The following MGAT4C variants were observed in gnomAD, a reference collection of about 807,000 sequenced individuals.
MGAT4C encodes MGAT4 family member C.
A neutral mutation model predicts 40.1 loss-of-function variants in MGAT4C; 19 were observed. That is an observed-to-expected ratio of 0.47 (90% CI 0.33 to 0.70). The LOEUF (loss-of-function observed/expected upper bound fraction) is 0.70, where lower values mean the gene tolerates loss of function less well. Ranked by LOEUF, MGAT4C falls within the 30% of genes least tolerant of loss-of-function variation. The pLI is 0.02. For missense variants in MGAT4C, 491 were observed against 563.2 expected, an observed-to-expected ratio of 0.87 and a Z score of 1.30; for synonymous variants, 181 against 187.1, an observed-to-expected ratio of 0.97 and a Z score of 0.27.
intron 3 of MGAT4C, among the ~76,000 whole-genome samples, chr12:86,385,866 C>A (rs1311861660): frequency 6.6e-6 from 1 of 152,182 alleles, no homozygotes. Flanking sequence ...GTCTTCTGTG[C>A]TCCCTCTCAA....
chr12:86,294,387 T>G (rs1405163044), intron 4 of MGAT4C, among the ~76,000 whole-genome samples: 1 of 151,932 alleles, frequency 6.6e-6, no homozygotes, highest in Non-Finnish European at 1.5e-5. Flanking sequence ...TCTAAATCCT[T>G]GCTTTTATCA....
chr12:86,180,314 A>G (rs1241573915), intron 1 of MGAT4C, among the ~76,000 whole-genome samples: 1 of 152,218 alleles, frequency 6.6e-6, no homozygotes, highest in African/African-American at 2.4e-5. Flanking sequence ...CCTCATGGAG[A>G]ACCTCTGCTA....
Position 86,035,427 on chromosome 12 carries a change from G to GT in MGAT4C, c.-7+14246dup, listed in dbSNP as rs969891889. 8.7e-5 allele frequency among the ~76,000 whole-genome samples: 13 copies of GT among 149,856 alleles called. 1 individual carries two copies. Among genetic ancestry groups the GT allele is most frequent in the African/African-American group, 2.4e-4 (10 of 41,208 alleles). ...CCTTCACGCACTTTTTGATGGGGTT[G>GT]TTTTTTTCTTGTAAATTTGTTGAAG... On this transcript the variant is annotated intron_variant, in intron 2 of 4. Coordinates refer to ENST00000611864, the MANE Select transcript of MGAT4C (RefSeq NM_001351288.2).
intron 3 of MGAT4C, among the ~76,000 whole-genome samples, chr12:86,349,328 G>C (rs1005491611): frequency 6.6e-6 from 1 of 152,092 alleles, no homozygotes; most frequent in African/African-American, 2.4e-5. Context: ...GTAATTTAAG[G>C]CTGGGTAATA....
At chr12:86,589,837 A>G (rs1308475422) in intron 2 of MGAT4C, among the ~76,000 whole-genome samples, 1 of 152,022 alleles carries the variant, frequency 6.6e-6, no homozygotes, top group Non-Finnish European at 1.5e-5. Flanking sequence ...CATGTTTTAA[A>G]GCAATATTAC....
intron 1 of MGAT4C, among the ~76,000 whole-genome samples, chr12:86,775,664 G>A (rs1213772336): frequency 6.6e-6 from 1 of 151,502 alleles, no homozygotes; most frequent in Non-Finnish European, 1.5e-5. Flanking sequence ...TAAAAAAAAG[G>A]TCTCACAGAA....
intron 1 of MGAT4C, among the ~76,000 whole-genome samples, chr12:86,210,688 GT>G (rs779373931): frequency 1.3e-5 from 2 of 152,154 alleles, no homozygotes; most frequent in Non-Finnish European, 2.9e-5. Flanking sequence ...GCTAATTAAA[GT>G]GCCAAACTTT....
intron 2 of MGAT4C, among the ~76,000 whole-genome samples, chr12:86,556,228 A>G (rs1959603671): frequency 6.6e-6 from 1 of 152,210 alleles, no homozygotes; most frequent in Admixed American, 6.5e-5. Context: ...AATATAAGTA[A>G]TGTATAGTAT....
intron 3 of MGAT4C, among the ~76,000 whole-genome samples, chr12:86,356,414 A>G (rs551855575): frequency 3.3e-5 from 5 of 152,328 alleles, no homozygotes; most frequent in African/African-American, 1.2e-4. Flanking sequence ...TGAGCAATGC[A>G]GAAGATGGGT....
In MGAT4C at chr12:85,957,741, A is replaced by T. The variant is rs112332178; in HGVS notation, c.*21548T>A. 1 of 152,030 alleles carries T rather than the reference A, an allele frequency of 6.6e-6. No homozygotes were observed. Among genetic ancestry groups the T allele is most frequent in the African/African-American group, 2.4e-5 (1 of 41,516 alleles). The allele number at this position is 152,030 out of a possible 1,614,324, so 9.4% of individuals were successfully genotyped here. On this transcript the variant is annotated 3_prime_UTR_variant, in exon 5 of 5. Coordinates refer to ENST00000611864, the MANE Select transcript of MGAT4C (RefSeq NM_001351288.2). Reference sequence around the variant, plus strand: ...TCTAGACAGATCATATGGTAAAAATACAAACTGAACTCCTTCAGCTAAGGG... The same window carrying T: ...TCTAGACAGATCATATGGTAAAAATTCAAACTGAACTCCTTCAGCTAAGGG...
At chr12:86,636,697 A>T (rs1963229879) in intron 2 of MGAT4C, among the ~76,000 whole-genome samples, 1 of 152,044 alleles carries the variant, frequency 6.6e-6, no homozygotes, top group Non-Finnish European at 1.5e-5. Flanking sequence ...TTAACAACTG[A>T]ATAACCTTTA....
In MGAT4C at chr12:85,980,181, A is replaced by G; in HGVS notation, c.545T>C (p.Leu182Pro). The G allele has an allele frequency of 6.2e-7, 1 of 1,613,960 alleles. No homozygotes were observed. The highest frequency in any genetic ancestry group is 2.2e-5 in the East Asian group (1 of 44,864). The change falls in exon 5 of 5, where the codon CTA becomes CCA. Residue 182 changes from leucine (L) to proline (P), a missense_variant. Coordinates refer to ENST00000611864, the MANE Select transcript of MGAT4C (RefSeq NM_001351288.2). Reference sequence around the variant, plus strand: ...ATTGTAATTTCTTTTAAGGCCATCTAGGATTGGGTAATACTCCTCTGGAGC... The same window carrying G: ...ATTGTAATTTCTTTTAAGGCCATCTGGGATTGGGTAATACTCCTCTGGAGC... ...IHAPEEYYPI[L>P]DGLKRNYNDP...
chr12:86,732,516 C>CAG (rs1213318943), intron 1 of MGAT4C, among the ~76,000 whole-genome samples: 1 of 152,102 alleles, frequency 6.6e-6, no homozygotes, highest in Non-Finnish European at 1.5e-5. Flanking sequence ...AAGACAGTGA[C>CAG]AGATCATCAG....
chr12:86,057,663 A>T (rs1163325840), intron 1 of MGAT4C, among the ~76,000 whole-genome samples: 1 of 152,146 alleles, frequency 6.6e-6, no homozygotes, highest in African/African-American at 2.4e-5. Context: ...AGTCCATCTT[A>T]CTGCAATCTT....
intron 4 of MGAT4C, among the ~76,000 whole-genome samples, chr12:86,325,273 TATTTTTCCAG>T (rs1954499032): frequency 6.6e-6 from 1 of 152,198 alleles, no homozygotes; most frequent in Non-Finnish European, 1.5e-5. Flanking sequence ...CATGTATTGA[TATTTTTCCAG>T]ATTTTTCCAC....
chr12:86,323,298 A>G (rs1031987753), intron 4 of MGAT4C, among the ~76,000 whole-genome samples: 2 of 151,792 alleles, frequency 1.3e-5, no homozygotes, highest in Admixed American at 6.6e-5. Context: ...GTATCTCTCT[A>G]AAGTTACATG....
chr12:86,583,164 T>G (rs2136436146), intron 2 of MGAT4C, among the ~76,000 whole-genome samples: 1 of 151,464 alleles, frequency 6.6e-6, no homozygotes. Context: ...GTTTGTGTGT[T>G]AAATAGCTTT....
chr12:86,269,995 AT>A (rs1264146247), intron 4 of MGAT4C, among the ~76,000 whole-genome samples: 1 of 152,054 alleles, frequency 6.6e-6, no homozygotes, highest in East Asian at 1.9e-4. Flanking sequence ...AAGCATCACC[AT>A]CATCCTTCTC....
chr12:86,029,706 A>G (rs998268929), intron 2 of MGAT4C, among the ~76,000 whole-genome samples: 2 of 151,924 alleles, frequency 1.3e-5, no homozygotes, highest in Admixed American at 6.6e-5. Flanking sequence ...CCATGATATT[A>G]GTGATGACAC....
Sources: gnomAD v4.1 joint callset for allele counts (sites outside exome capture counted in the v4.1 genomes callset) on GRCh38, gnomAD v4.1.1 for gene constraint, MANE v1.5 for transcripts, NCBI Gene and HGNC (gene_info 2026-07-23, HGNC 2026-07-21) for gene names.